PTPRO: variants seen among roughly 807,000 people sequenced by gnomAD.
The protein encoded by PTPRO is protein tyrosine phosphatase receptor type O.
Under a neutral mutation model 145.2 loss-of-function variants are expected in PTPRO, and 62 were observed. That is an observed-to-expected ratio of 0.43 (90% CI 0.35 to 0.53). The LOEUF (loss-of-function observed/expected upper bound fraction) is 0.53, where lower values mean the gene tolerates loss of function less well. Ranked by LOEUF, PTPRO falls within the 20% of genes least tolerant of loss-of-function variation. The pLI is 0.01. For missense variants in PTPRO, 1,345 were observed against 1,482.7 expected (o/e 0.91, Z 1.53); for synonymous variants, 565 against 514.7 (o/e 1.10, Z -1.32).
At chr12:15,578,816 G>T (rs758798378) in intron 19 of PTPRO, 37 bp from the exon 20 acceptor site, 2 of 1,451,456 alleles carry the variant, frequency 1.4e-6, no homozygotes, top group Non-Finnish European at 1.9e-6. Context: ...TTCACACCAC[G>T]TATGGAACTC....
chr12:15,391,305 G>C (rs1939184305), intron 1 of PTPRO, among the ~76,000 whole-genome samples: 1 of 152,228 alleles, frequency 6.6e-6, no homozygotes, highest in Non-Finnish European at 1.5e-5. Context: ...ACAAATTCCA[G>C]TCTTCACTAT....
intron 1 of PTPRO, among the ~76,000 whole-genome samples, chr12:15,402,911 C>T (rs2136301393): frequency 6.6e-6 from 1 of 152,240 alleles, no homozygotes; most frequent in Non-Finnish European, 1.5e-5. Flanking sequence ...CTGTCACAGT[C>T]AGTACAAAAA....
At chr12:15,441,416 A>G (rs1039788720) in intron 1 of PTPRO, among the ~76,000 whole-genome samples, 1 of 152,206 alleles carries the variant, frequency 6.6e-6, no homozygotes, top group African/African-American at 2.4e-5. Context: ...AAGATCTCAA[A>G]TTAACGATCT....
At chr12:15,457,488 G>A (rs766532074) in intron 1 of PTPRO, among the ~76,000 whole-genome samples, 1 of 152,050 alleles carries the variant, frequency 6.6e-6, no homozygotes, top group African/African-American at 2.4e-5. Context: ...TACCTTTAAA[G>A]TAATCATTGC....
intron 1 of PTPRO, among the ~76,000 whole-genome samples, chr12:15,412,121 G>T (rs963168098): frequency 1.3e-5 from 2 of 152,130 alleles, no homozygotes; most frequent in South Asian, 2.1e-4. Flanking sequence ...TTGAAACTAT[G>T]AATCTTTAAT....
chr12:15,416,680 A>T (rs1189386683), intron 1 of PTPRO, among the ~76,000 whole-genome samples: 1 of 149,390 alleles, frequency 6.7e-6, no homozygotes, highest in Non-Finnish European at 1.5e-5. Flanking sequence ...TTAAGAACTG[A>T]GCAGTTTCTT....
At chr12:15,532,606 G>C (rs1479531104) in intron 12 of PTPRO, among the ~76,000 whole-genome samples, 1 of 152,108 alleles carries the variant, frequency 6.6e-6, no homozygotes, top group African/African-American at 2.4e-5. Context: ...GAGGATCAAG[G>C]GTTGTCTCTT....
chr12:15,460,966 T>A (rs1337051890), intron 1 of PTPRO, among the ~76,000 whole-genome samples: 1 of 152,216 alleles, frequency 6.6e-6, no homozygotes, highest in Non-Finnish European at 1.5e-5. Context: ...ATGGACTTCC[T>A]CTTCATCCAG....
At chr12:15,477,467 A>C (rs1007863774) in intron 1 of PTPRO, among the ~76,000 whole-genome samples, 1 of 151,602 alleles carries the variant, frequency 6.6e-6, no homozygotes, top group East Asian at 2.0e-4. Context: ...TAACCTGCAC[A>C]ATGTGCACAT....
At chr12:15,574,416 G>C (rs1391443715) in intron 19 of PTPRO, among the ~76,000 whole-genome samples, 1 of 152,182 alleles carries the variant, frequency 6.6e-6, no homozygotes, top group Admixed American at 6.5e-5. Context: ...TGCTCATTCT[G>C]CTATTAATGT....
intron 1 of PTPRO, among the ~76,000 whole-genome samples, chr12:15,356,743 T>A (rs998165152): frequency 2.6e-5 from 4 of 152,230 alleles, no homozygotes; most frequent in Admixed American, 2.6e-4. Flanking sequence ...ATGGATGAAA[T>A]AGGATCATCA....
intron 17 of PTPRO, among the ~76,000 whole-genome samples, chr12:15,564,074 G>A (rs1251898005): frequency 6.6e-6 from 1 of 152,114 alleles, no homozygotes; most frequent in Non-Finnish European, 1.5e-5. Context: ...TGTTTTTTGA[G>A]GGGATCAGGG....
chr12:15,435,514 C>G (rs1940570417), intron 1 of PTPRO, among the ~76,000 whole-genome samples: 1 of 151,484 alleles, frequency 6.6e-6, no homozygotes, highest in Non-Finnish European at 1.5e-5. Flanking sequence ...GGCATTTGGG[C>G]TAAGGTTGGC....
chr12:15,511,439 G>A (rs977845928), intron 7 of PTPRO, among the ~76,000 whole-genome samples: 18 of 152,194 alleles, frequency 1.2e-4, no homozygotes, highest in African/African-American at 3.6e-4. Flanking sequence ...CAGGTAATCT[G>A]TAATCCAATT....
chr12:15,338,680 T>TA (rs1691037251), intron 1 of PTPRO, among the ~76,000 whole-genome samples: 1 of 152,138 alleles, frequency 6.6e-6, no homozygotes, highest in South Asian at 2.1e-4. Flanking sequence ...TATTAATTGA[T>TA]AAAGTAATAT....
chr12:15,375,499 T>A (rs1938655125), intron 1 of PTPRO, among the ~76,000 whole-genome samples: 1 of 152,182 alleles, frequency 6.6e-6, no homozygotes, highest in Non-Finnish European at 1.5e-5. Flanking sequence ...GACTCACGCC[T>A]GTAATCCCAG....
At chr12:15,558,335 G>T (rs866843756) in intron 16 of PTPRO, among the ~76,000 whole-genome samples, 9 of 152,178 alleles carry the variant, frequency 5.9e-5, no homozygotes, top group Admixed American at 5.9e-4. Context: ...CATGCTTACA[G>T]ATAAATAAAT....
chr12:15,363,705 T>C (rs1275029063), intron 1 of PTPRO, among the ~76,000 whole-genome samples: 1 of 152,084 alleles, frequency 6.6e-6, no homozygotes, highest in Non-Finnish European at 1.5e-5. Flanking sequence ...AGTAAAAGCA[T>C]TCATCATTGA....
intron 1 of PTPRO, among the ~76,000 whole-genome samples, chr12:15,455,170 C>G (rs1173940080): frequency 6.6e-6 from 1 of 152,098 alleles, no homozygotes; most frequent in Non-Finnish European, 1.5e-5. Context: ...TCTCTGTAGC[C>G]TGGAATGCTC....
Sources: allele counts gnomAD v4.1 joint callset (sites outside exome capture counted in the v4.1 genomes callset), GRCh38; gene constraint gnomAD v4.1.1; transcripts MANE v1.5; gene names NCBI Gene and HGNC (gene_info 2026-07-23, HGNC 2026-07-21).